CFAP92: variants seen among roughly 807,000 people sequenced by gnomAD.
CFAP92 encodes the protein cilia and flagella associated protein 92 (putative), also known as uncharacterized protein CFAP92.
A neutral mutation model predicts 106.3 loss-of-function variants in CFAP92; 86 were observed. The ratio of observed to expected loss-of-function variants is 0.81; its 90% CI spans 0.68 to 0.97. The LOEUF (loss-of-function observed/expected upper bound fraction) is 0.97, where lower values mean the gene tolerates loss of function less well. CFAP92 is among the 50% of genes least tolerant of loss of function. The pLI, the probability that CFAP92 is intolerant of heterozygous loss-of-function variation, is 0.00. For synonymous variants in CFAP92, 477 were observed against 506.4 expected, an observed-to-expected ratio of 0.94 and a Z score of 0.78; for missense variants, 1,204 against 1,283.8, an observed-to-expected ratio of 0.94 and a Z score of 0.95.
intron 7 of CFAP92, among the ~76,000 whole-genome samples, chr3:128,971,646 G>A (rs960887832): frequency 4.6e-5 from 7 of 152,178 alleles, no homozygotes; most frequent in African/African-American, 1.7e-4. Flanking sequence ...GTAATAGGGT[G>A]AGGGCCTCTC....
rs1559880873 is a variant in CFAP92 at position 128,945,208 on chromosome 3, C to T, written c.2121G>A (p.Val707=). The stretch of plus-strand genomic sequence containing the variant: ...GCTGCTGCTCCTGGACCCGCACACG[C>T]ACCTTGAAGGCTGACAGGATCTGCT... ...TLQQILSAFK[V]RVRVQEQQHL... The change falls in exon 10 of 16, where the codon GTG becomes GTA. Residue 707 remains valine, a synonymous_variant. Transcript: ENST00000645291. The T allele has an allele frequency of 6.5e-7, 1 of 1,536,166 alleles. No individual in the cohort carries two copies. Among genetic ancestry groups the T allele is most frequent in the Non-Finnish European group, 8.7e-7 (1 of 1,146,924 alleles).
At chr3:128,947,476 C>T (rs932658295) in intron 9 of CFAP92, among the ~76,000 whole-genome samples, 1 of 152,200 alleles carries the variant, frequency 6.6e-6, no homozygotes, top group Non-Finnish European at 1.5e-5. Flanking sequence ...GGAGGAACCA[C>T]TTCACCCATT....
intron 15 of CFAP92, among the ~76,000 whole-genome samples, chr3:128,913,644 T>C (rs1280091020): frequency 6.6e-6 from 1 of 152,206 alleles, no homozygotes; most frequent in East Asian, 1.9e-4. Flanking sequence ...ATGCTGGAAA[T>C]AGGCAAGGAG....
chr3:129,013,423 G>A, the CFAP92 span, among the ~76,000 whole-genome samples: 2 of 152,106 alleles, frequency 1.3e-5, no homozygotes, highest in Admixed American at 1.3e-4. Flanking sequence ...CTTCAGGCAT[G>A]GCTAGATCCA....
intron 8 of CFAP92, among the ~76,000 whole-genome samples, chr3:128,966,417 T>A: frequency 6.6e-6 from 1 of 152,192 alleles, no homozygotes; most frequent in East Asian, 1.9e-4. Flanking sequence ...CAGATACTGA[T>A]GTAGAACACA....
intron 9 of CFAP92, among the ~76,000 whole-genome samples, chr3:128,963,343 C>T (rs573887536): frequency 9.2e-5 from 14 of 152,290 alleles, no homozygotes; most frequent in Admixed American, 6.5e-4. Flanking sequence ...CTCATGTCTG[C>T]GTGCAGCGGC....
chr3:128,967,954 A>G (rs1211397654), intron 8 of CFAP92: 4 of 152,286 alleles, frequency 2.6e-5, no homozygotes, highest in Non-Finnish European at 2.9e-5. Context: ...AGTCGTGCCA[A>G]CCAAAATGCC....
At position 128,945,467 on chromosome 3, in the gene CFAP92, G is replaced by C. The variant is rs183601693; in HGVS notation, c.1862C>G (p.Pro621Arg). The C allele has an allele frequency of 1.0e-4, 160 of 1,536,156 alleles. No homozygotes were observed. The East Asian group carries it at 3.7e-3, about 35-fold the overall frequency. Residue 621 changes from proline (P) to arginine (R), a missense_variant, in exon 10 of 16, where the codon CCC becomes CGC. Coordinates refer to ENST00000645291, the MANE Select transcript of CFAP92 (RefSeq NM_001394090.1). ...PRDGHQHGPM[P>R]RGNYLEADSQ... ...GTCAGCCTCTAGGTAGTTGCCCCTG[G>C]GCATTGGGCCGTGCTGGTGGCCATC...
At chr3:128,976,911 C>A in intron 6 of CFAP92, 68 bp downstream of exon 6, 1 of 1,249,210 alleles carries the variant, frequency 8.0e-7, no homozygotes, top group Non-Finnish European at 1.2e-6. Context: ...AAACCTACCA[C>A]GACTCATAGT....
chr3:128,990,110 C>A (rs1212462260), intron 2 of CFAP92, among the ~76,000 whole-genome samples: 1 of 152,212 alleles, frequency 6.6e-6, no homozygotes, highest in Non-Finnish European at 1.5e-5. Context: ...TGAAACAACT[C>A]AAATATCCAC....
the CFAP92 span, among the ~76,000 whole-genome samples, chr3:129,022,885 T>C: frequency 8.6e-5 from 13 of 151,878 alleles, no homozygotes; most frequent in Non-Finnish European, 1.6e-4. Context: ...GGCAGGGAGG[T>C]TGGGCCTTTG....
At chr3:128,919,364 CAAAA>C (rs1309878051) in intron 12 of CFAP92, among the ~76,000 whole-genome samples, 1 of 152,014 alleles carries the variant, frequency 6.6e-6, no homozygotes, top group Non-Finnish European at 1.5e-5. Context: ...AAAACAAAGA[CAAAA>C]AAGCTGTGTG....
At chr3:128,933,673 A>C (rs758414979) in intron 11 of CFAP92, among the ~76,000 whole-genome samples, 10 of 152,218 alleles carry the variant, frequency 6.6e-5, no homozygotes, top group Non-Finnish European at 1.5e-4. Context: ...AAATAAAGCC[A>C]TATGGATGCA....
At chr3:128,937,461 G>A (rs1402650703) in intron 10 of CFAP92, among the ~76,000 whole-genome samples, 1 of 151,994 alleles carries the variant, frequency 6.6e-6, no homozygotes, top group East Asian at 1.9e-4. Context: ...TTAGCTGGGC[G>A]CAGTGGCGGG....
At position 128,945,673 on chromosome 3, in the gene CFAP92, G is replaced by T; in HGVS notation, c.1656C>A (p.Pro552=). The change falls in exon 10 of 16, where the codon CCC becomes CCA. Residue 552 remains proline, a synonymous_variant. Coordinates refer to ENST00000645291, the MANE Select transcript of CFAP92 (RefSeq NM_001394090.1). ...LISPRETENN[P]FESQNKMWYP... Reference sequence around the variant, plus strand: ...ACCACATCTTGTTCTGGGACTCAAAGGGGTTGTTCTCTGTCTCTCTGGGAG... The same window carrying T: ...ACCACATCTTGTTCTGGGACTCAAATGGGTTGTTCTCTGTCTCTCTGGGAG... 1 of 1,536,128 alleles carries T rather than the reference G, an allele frequency of 6.5e-7. No homozygotes were observed. The highest frequency in any genetic ancestry group is 8.7e-7 in the Non-Finnish European group (1 of 1,146,922).
At chr3:128,927,116 T>G (rs1576409467) in intron 12 of CFAP92, among the ~76,000 whole-genome samples, 1 of 151,812 alleles carries the variant, frequency 6.6e-6, no homozygotes, top group East Asian at 1.9e-4. Flanking sequence ...GAGAGAGATA[T>G]TAGAGACTCT....
chr3:129,011,592 G>A, the CFAP92 span, among the ~76,000 whole-genome samples: 12 of 151,916 alleles, frequency 7.9e-5, no homozygotes, highest in South Asian at 6.2e-4. Context: ...ACTCATTCTT[G>A]TCTATCCAGA....
chr3:128,916,132 T>C lies in CFAP92; in HGVS notation c.2891A>G (p.Lys964Arg). 1 of 1,232,216 alleles carries C rather than the reference T, an allele frequency of 8.1e-7. No individual in the cohort carries two copies. Among genetic ancestry groups the C allele is most frequent in the Non-Finnish European group, 1.0e-6 (1 of 988,012 alleles). The allele number at this position is 1,232,216 out of a possible 1,614,324, so 76.3% of individuals were successfully genotyped here. ...QTMNSTELAK[K>R]ELYQEIAKEP... ...CTTGGCTATCTCTTGATACAGCTCC[T>C]TCTTGGCAAGCTCTGTAGAATTCAT... Residue 964 changes from lysine to arginine, a missense_variant, in exon 13 of 16, where the codon AAG (lysine) becomes AGG (arginine). Lys to Arg is a conservative substitution (Grantham distance 26). Coordinates refer to ENST00000645291, the MANE Select transcript of CFAP92 (RefSeq NM_001394090.1).
At chr3:129,021,411 A>G in the CFAP92 span, among the ~76,000 whole-genome samples, 8 of 152,112 alleles carry the variant, frequency 5.3e-5, no homozygotes, top group Non-Finnish European at 8.8e-5. Flanking sequence ...CAGTGACAAA[A>G]CTCATGGTGC....
Sources: allele counts gnomAD v4.1 joint callset (sites outside exome capture counted in the v4.1 genomes callset), GRCh38; gene constraint gnomAD v4.1.1; transcripts MANE v1.5; gene names NCBI Gene and HGNC (gene_info 2026-07-23, HGNC 2026-07-21).